Variants in CDH8 observed in about 807,000 individuals in gnomAD.
CDH8 encodes the protein cadherin 8.
CDH8 carries 17 observed loss-of-function variants against 68.1 expected under a neutral mutation model. The ratio of observed to expected loss-of-function variants is 0.25; its 90% CI spans 0.17 to 0.37. CDH8 has a LOEUF of 0.37. Ranked by LOEUF, CDH8 falls within the 10% of genes least tolerant of loss-of-function variation. CDH8 has a pLI of 1.00. For synonymous variants in CDH8, 372 were observed against 365.1 expected (o/e 1.02, Z -0.21); for missense variants, 763 against 999.3 (o/e 0.76, Z 3.19).
intron 10 of CDH8, among the ~76,000 whole-genome samples, chr16:61,695,684 G>A (rs573310833): frequency 6.6e-6 from 1 of 152,272 alleles, no homozygotes; most frequent in African/African-American, 2.4e-5. Context: ...ATGTGATTTG[G>A]GCACTGAAAT....
chr16:61,920,799 GCA>G (rs1964350512), intron 2 of CDH8, among the ~76,000 whole-genome samples: 1 of 71,138 alleles, frequency 1.4e-5, no homozygotes, highest in Non-Finnish European at 2.6e-5. Flanking sequence ...AAAGACACAT[GCA>G]CACGTATGTT....
chr16:61,814,147 T>A (rs8047601), intron 7 of CDH8, among the ~76,000 whole-genome samples: 4,725 of 152,282 alleles, frequency 0.031, 234 homozygotes, highest in African/African-American at 0.11. Context: ...AAGATGATAT[T>A]ATCCCATACG....
chr16:61,651,959 A>T lies in CDH8; in HGVS notation c.*1649T>A. On this transcript the variant is annotated 3_prime_UTR_variant, in exon 12 of 12. Transcript: ENST00000577390. ...TCTAGAATTTTAGTTTGAGTTGATGATTCTGTTAATAGATCTTCCACTGAT... is the reference window on the plus strand; with the variant it reads ...TCTAGAATTTTAGTTTGAGTTGATGTTTCTGTTAATAGATCTTCCACTGAT... 2.3e-6 allele frequency: 1 copy of T among 441,676 alleles called. No individual in the cohort carries two copies. 27.4% of individuals were successfully genotyped at this position (441,676 alleles called of 1,614,324 possible).
chr16:61,697,028 A>G (rs1964338909), intron 10 of CDH8, among the ~76,000 whole-genome samples: 1 of 152,148 alleles, frequency 6.6e-6, no homozygotes, highest in Non-Finnish European at 1.5e-5. Flanking sequence ...TCATATATAA[A>G]AGCTCAGCAA....
chr16:61,831,683 T>C (rs1962458061), intron 4 of CDH8, among the ~76,000 whole-genome samples: 1 of 151,826 alleles, frequency 6.6e-6, no homozygotes, highest in South Asian at 2.1e-4. Flanking sequence ...ATTTCTGTGA[T>C]ATCACCAGAT....
chr16:62,027,552 G>A (rs1208802911), intron 1 of CDH8, among the ~76,000 whole-genome samples: 1 of 152,162 alleles, frequency 6.6e-6, no homozygotes, highest in East Asian at 1.9e-4. Context: ...AAGCAAAAAT[G>A]ACACAGAGGA....
rs1959853728 is a variant in CDH8 at position 61,740,871 on chromosome 16, C to T, written c.1415-13656G>A. On this transcript the variant is annotated intron_variant, in intron 8 of 11. Coordinates refer to ENST00000577390, the MANE Select transcript of CDH8 (RefSeq NM_001796.5). ...AATATTTTCTATATGTCTTCTGATG[C>T]AAAAATATATTAATTTCTGTATATT... 2.6e-5 allele frequency among the ~76,000 whole-genome samples: 4 copies of T among 152,090 alleles called. No individual in the cohort carries two copies. In the South Asian group the frequency reaches 8.3e-4, roughly 32 times the overall value.
chr16:61,916,268 C>A (rs1964236913), intron 2 of CDH8, among the ~76,000 whole-genome samples: 1 of 152,126 alleles, frequency 6.6e-6, no homozygotes, highest in Non-Finnish European at 1.5e-5. Flanking sequence ...AATCCCAGCA[C>A]TTCGGGAGGC....
At chr16:62,035,534 C>G (rs911365909) in intron 1 of CDH8, among the ~76,000 whole-genome samples, 1 of 152,196 alleles carries the variant, frequency 6.6e-6, no homozygotes, top group Non-Finnish European at 1.5e-5. Context: ...GCTTTCGCAG[C>G]TGAGCCTTGG....
chr16:61,676,405 G>T (rs558521120), intron 10 of CDH8, among the ~76,000 whole-genome samples: 6 of 151,892 alleles, frequency 4.0e-5, no homozygotes, highest in Admixed American at 2.6e-4. Context: ...TTAAATAAGA[G>T]ACACTAAAAA....
At chr16:61,893,415 A>AGTGT (rs139637026) in intron 3 of CDH8, among the ~76,000 whole-genome samples, 248 of 145,738 alleles carry the variant, frequency 1.7e-3, no homozygotes, top group African/African-American at 3.0e-3. Flanking sequence ...TGTGTGTGTG[A>AGTGT]GTGTGTGTGT....
intron 10 of CDH8, among the ~76,000 whole-genome samples, chr16:61,708,792 C>T (rs11075434): frequency 0.044 from 6,695 of 152,182 alleles, 417 homozygotes; most frequent in East Asian, 0.24. Flanking sequence ...TGCTGTTCTC[C>T]GTATCTATGA....
intron 5 of CDH8, 52 bp from the exon 6 acceptor site, chr16:61,821,165 C>A: frequency 1.4e-6 from 2 of 1,428,046 alleles, no homozygotes; most frequent in East Asian, 2.3e-5. Context: ...ACCATTCATT[C>A]ATTCATATGG....
intron 10 of CDH8, among the ~76,000 whole-genome samples, chr16:61,697,930 C>T (rs184511928): frequency 6.6e-6 from 1 of 152,330 alleles, no homozygotes; most frequent in East Asian, 1.9e-4. Flanking sequence ...CTTGAGGCAG[C>T]TGGATCTGGT....
At chr16:61,850,076 A>G (rs370920601) in intron 4 of CDH8, among the ~76,000 whole-genome samples, 11 of 152,084 alleles carry the variant, frequency 7.2e-5, no homozygotes, top group African/African-American at 2.4e-4. Context: ...ATAAAGGAAT[A>G]CCTGAGACTG....
intron 2 of CDH8, among the ~76,000 whole-genome samples, chr16:61,983,753 A>T (rs533780141): frequency 6.6e-6 from 1 of 152,242 alleles, no homozygotes; most frequent in East Asian, 1.9e-4. Context: ...TATTTCTCAC[A>T]GTTCTGGGGA....
chr16:61,808,283 A>G (rs1214378851), intron 7 of CDH8, among the ~76,000 whole-genome samples: 1 of 152,178 alleles, frequency 6.6e-6, no homozygotes, highest in Admixed American at 6.5e-5. Context: ...AAGGCAGTCA[A>G]CAGCCTCAAT....
chr16:62,012,206 C>A (rs1333236773), intron 2 of CDH8, among the ~76,000 whole-genome samples: 1 of 152,174 alleles, frequency 6.6e-6, no homozygotes, highest in Non-Finnish European at 1.5e-5. Context: ...TTTTCTAGGT[C>A]ATTCCTATCT....
chr16:61,801,014 G>A (rs1961612242), intron 7 of CDH8, among the ~76,000 whole-genome samples: 1 of 151,718 alleles, frequency 6.6e-6, no homozygotes, highest in African/African-American at 2.4e-5. Context: ...AGATATCATG[G>A]CTCAGCCTAC....
Sources: gnomAD v4.1 joint callset for allele counts (sites outside exome capture counted in the v4.1 genomes callset) on GRCh38, gnomAD v4.1.1 for gene constraint, MANE v1.5 for transcripts, NCBI Gene and HGNC (gene_info 2026-07-23, HGNC 2026-07-21) for gene names.